SLMAP: variants seen among roughly 807,000 people sequenced by gnomAD.
SLMAP encodes the protein sarcolemma associated protein.
Under a neutral mutation model 128.8 loss-of-function variants are expected in SLMAP, and 44 were observed. That is an observed-to-expected ratio of 0.34 (90% confidence interval 0.27 to 0.44). The LOEUF (loss-of-function observed/expected upper bound fraction) is 0.44. SLMAP is among the 20% of genes least tolerant of loss of function. The pLI is 1.00. For missense variants in SLMAP, 787 were observed against 985.3 expected, an observed-to-expected ratio of 0.80 and a Z score of 2.69; for synonymous variants, 327 against 348.8, an observed-to-expected ratio of 0.94 and a Z score of 0.70.
intron 14 of SLMAP, among the ~76,000 whole-genome samples, chr3:57,876,655 T>G (rs2095610244): frequency 6.6e-6 from 1 of 152,232 alleles, no homozygotes; most frequent in Non-Finnish European, 1.5e-5. Context: ...ACTTAATGGA[T>G]ACATTGAAAC....
At chr3:57,840,535 A>T (rs888879142) in intron 3 of SLMAP, among the ~76,000 whole-genome samples, 47 of 152,194 alleles carry the variant, frequency 3.1e-4, no homozygotes, top group African/African-American at 1.1e-3. Context: ...ATTTTTTAAA[A>T]TTAAACCCAC....
At chr3:57,794,064 C>T (rs969408507) in intron 2 of SLMAP, among the ~76,000 whole-genome samples, 3 of 151,984 alleles carry the variant, frequency 2.0e-5, no homozygotes, top group Admixed American at 6.6e-5. Flanking sequence ...GAGAGAGACC[C>T]TTTCTTAAAA....
chr3:57,764,009 A>G (rs2079173345), intron 2 of SLMAP, among the ~76,000 whole-genome samples: 1 of 152,122 alleles, frequency 6.6e-6, no homozygotes, highest in Admixed American at 6.6e-5. Flanking sequence ...TTGTCTTTGT[A>G]ATTAATTTTC....
intron 14 of SLMAP, among the ~76,000 whole-genome samples, chr3:57,872,227 G>T (rs2095496974): frequency 6.6e-6 from 1 of 151,872 alleles, no homozygotes; most frequent in African/African-American, 2.4e-5. Context: ...GCTTGAACCT[G>T]GTAGGCAGAT....
intron 2 of SLMAP, among the ~76,000 whole-genome samples, chr3:57,818,076 T>A (rs530367112): frequency 1.3e-5 from 2 of 152,350 alleles, no homozygotes; most frequent in East Asian, 1.9e-4. Flanking sequence ...GCAGAATGGT[T>A]GAGATCTAAA....
intron 14 of SLMAP, among the ~76,000 whole-genome samples, chr3:57,884,363 G>A (rs1275564019): frequency 2.6e-5 from 4 of 152,148 alleles, no homozygotes; most frequent in Non-Finnish European, 5.9e-5. Context: ...GAGGGGGTAG[G>A]TATGAGCATC....
rs182989498 is a variant in SLMAP, at chr3:57,920,377, A to G, written c.2311-2512A>G. On this transcript the variant is annotated intron_variant, in intron 22 of 24. Coordinates refer to ENST00000671191, the MANE Select transcript of SLMAP (RefSeq NM_001377540.1). Reference sequence around the variant, plus strand: ...ATATTTTACCTCCCTCTCTGTACCTATATCTTTCTTCTCTTTTTCTGGTGA... The same window carrying G: ...ATATTTTACCTCCCTCTCTGTACCTGTATCTTTCTTCTCTTTTTCTGGTGA... Among the ~76,000 whole-genome samples, 20 of 152,272 alleles carry G rather than the reference A, an allele frequency of 1.3e-4. No homozygotes were observed. The East Asian group carries it at 2.1e-3, about 16-fold the overall frequency.
At chr3:57,859,179 C>G (rs922127081) in intron 8 of SLMAP, among the ~76,000 whole-genome samples, 2 of 151,928 alleles carry the variant, frequency 1.3e-5, no homozygotes, top group African/African-American at 4.8e-5. Context: ...CAAAAATTAG[C>G]TGGACATGGT....
chr3:57,868,795 A>AAT (rs3037511), intron 13 of SLMAP, among the ~76,000 whole-genome samples: 10,042 of 124,394 alleles, frequency 0.081, 551 homozygotes, highest in African/African-American at 0.14. Context: ...GAACTAATGG[A>AAT]ATATATATAT....
At chr3:57,869,795 G>A (rs1471548061) in intron 13 of SLMAP, among the ~76,000 whole-genome samples, 1 of 150,126 alleles carries the variant, frequency 6.7e-6, no homozygotes, top group Non-Finnish European at 1.5e-5. Context: ...CTAATTCATT[G>A]AAATCATTGT....
At chr3:57,920,408 G>C (rs1324301712) in intron 22 of SLMAP, among the ~76,000 whole-genome samples, 2 of 152,120 alleles carry the variant, frequency 1.3e-5, no homozygotes, top group Non-Finnish European at 2.9e-5. Context: ...GGTGACCTCT[G>C]TGTTGACCCT....
At chr3:57,808,353 G>A (rs1034450994) in intron 2 of SLMAP, among the ~76,000 whole-genome samples, 1 of 152,066 alleles carries the variant, frequency 6.6e-6, no homozygotes, top group African/African-American at 2.4e-5. Flanking sequence ...TGATGTTAGG[G>A]TGTCGATTTG....
chr3:57,906,670 AAAAAATAT>A (rs1415208831), intron 17 of SLMAP, among the ~76,000 whole-genome samples: 4 of 25,978 alleles, frequency 1.5e-4, no homozygotes, highest in African/African-American at 4.1e-4. Flanking sequence ...GAATATGAAA[AAAAAATAT>A]ATATATATAT....
intron 2 of SLMAP, among the ~76,000 whole-genome samples, chr3:57,761,437 G>A (rs552538931): frequency 6.6e-6 from 1 of 151,776 alleles, no homozygotes; most frequent in South Asian, 2.1e-4. Context: ...TGAGATTACA[G>A]GCATTCATCA....
intron 2 of SLMAP, among the ~76,000 whole-genome samples, chr3:57,770,333 C>T (rs1390119269): frequency 6.6e-6 from 1 of 152,120 alleles, no homozygotes; most frequent in African/African-American, 2.4e-5. Flanking sequence ...GAGAGCTTCA[C>T]AGAGAAAGTT....
chr3:57,818,005 G>A (rs1030108949), intron 2 of SLMAP, among the ~76,000 whole-genome samples: 17 of 152,100 alleles, frequency 1.1e-4, no homozygotes, highest in Non-Finnish European at 1.5e-4. Context: ...TTTTATAGGC[G>A]GTCTGGAGAA....
intron 2 of SLMAP, among the ~76,000 whole-genome samples, chr3:57,798,794 A>G (rs1210128848): frequency 6.6e-6 from 1 of 152,214 alleles, no homozygotes; most frequent in Non-Finnish European, 1.5e-5. Flanking sequence ...CAAAGACTGC[A>G]GAAGTGTTAC....
rs1313954196 is a variant in SLMAP at position 57,928,182 on chromosome 3, A to G, written c.*893A>G. ...AAAATGTTGAGTCAATTGGAATGTA[A>G]TTTATTAAACCATGTATTTAAAGAG... On this transcript the variant is annotated 3_prime_UTR_variant, in exon 25 of 25. Transcript: ENST00000671191. The G allele has an allele frequency of 6.6e-6, 1 of 152,602 alleles. No individual in the cohort carries two copies. Among genetic ancestry groups the G allele is most frequent in the Non-Finnish European group, 1.5e-5 (1 of 68,022 alleles). The allele number at this position is 152,602 out of a possible 1,614,324, so 9.5% of individuals were successfully genotyped here.
At chr3:57,758,301 T>A (rs932396846) in intron 2 of SLMAP, among the ~76,000 whole-genome samples, 10 of 152,342 alleles carry the variant, frequency 6.6e-5, no homozygotes, top group Admixed American at 5.2e-4. Flanking sequence ...TGAGTTCAGA[T>A]CAGGACCTTT....
Sources: allele counts gnomAD v4.1 joint callset (sites outside exome capture counted in the v4.1 genomes callset), GRCh38; gene constraint gnomAD v4.1.1; transcripts MANE v1.5; gene names NCBI Gene and HGNC (gene_info 2026-07-23, HGNC 2026-07-21).